TTC19: variants seen among roughly 807,000 people sequenced by gnomAD.
TTC19 encodes the protein tetratricopeptide repeat domain 19, also known as tetratricopeptide repeat protein 19, mitochondrial.
Under a neutral mutation model 49.5 loss-of-function variants are expected in TTC19, and 38 were observed. The ratio of observed to expected loss-of-function variants is 0.77; its 90% CI spans 0.59 to 1.01. The LOEUF (loss-of-function observed/expected upper bound fraction) is 1.01. Among genes scored for constraint, TTC19 ranks in the 50% least tolerant of loss-of-function variants. The pLI is 0.00. For missense variants in TTC19, 475 were observed against 477.7 expected, an observed-to-expected ratio of 0.99 and a Z score of 0.05; for synonymous variants, 204 against 185.2, an observed-to-expected ratio of 1.10 and a Z score of -0.83.
chr17:16,004,881 G>A (rs1970852235), intron 6 of TTC19, among the ~76,000 whole-genome samples: 1 of 152,306 alleles, frequency 6.6e-6, no homozygotes, highest in Non-Finnish European at 1.5e-5. Flanking sequence ...TTCTCATCAG[G>A]ACCTGCATAG....
In TTC19 at chr17:16,028,817, T is replaced by TAAAAAAAA. The variant is rs1471885444; in HGVS notation, c.*1295_*1296insAAAAAAAA. Reference sequence around the variant, plus strand: ...TGTATCCCAGTAATCTTTGCATTTCTCAAAAAAAAAAAAAAAAAAAAAAAA... The same window carrying TAAAAAAAA: ...TGTATCCCAGTAATCTTTGCATTTCTAAAAAAAACAAAAAAAAAAAAAAAAAAAAAAAA... On this transcript the variant is annotated 3_prime_UTR_variant, in exon 10 of 10. Transcript: ENST00000261647. 4.4e-5 allele frequency: 4 copies of TAAAAAAAA among 90,624 alleles called. No homozygotes were observed. The highest frequency in any genetic ancestry group is 5.8e-5 in the South Asian group (1 of 17,220). 5.6% of individuals were successfully genotyped at this position (90,624 alleles called of 1,614,324 possible).
At position 16,035,749 on chromosome 17, in the gene TTC19, C is replaced by G. The variant is rs1012013270; in HGVS notation, c.248-8754C>G. On this transcript the variant is annotated intron_variant, in intron 2 of 2. Coordinates refer to the TTC19 transcript ENST00000470649. ...TAGAGATGGGGTCTCACCATGTTGC[C>G]CAGGTTGGTCTCAAACTCCTGGGTT... Among the ~76,000 whole-genome samples the G allele has an allele frequency of 2.0e-5, 3 of 151,948 alleles. No individual in the cohort carries two copies. The South Asian group carries it at 6.2e-4, about 32-fold the overall frequency.
chr17:16,005,318 A>G (rs1003338039), intron 6 of TTC19, among the ~76,000 whole-genome samples: 2 of 152,220 alleles, frequency 1.3e-5, no homozygotes, highest in Admixed American at 1.3e-4. Context: ...GGCAGTGTCC[A>G]CTTGCCCTGT....
intron 7 of TTC19, among the ~76,000 whole-genome samples, chr17:16,016,552 ATTTTT>A (rs769994419): frequency 4.3e-5 from 4 of 94,080 alleles, no homozygotes; most frequent in Admixed American, 2.2e-4. Flanking sequence ...AGTTGTTCTA[ATTTTT>A]TTTTTTTTTT....
chr17:16,002,574 G>A lies in TTC19; in HGVS notation c.424-219G>A, dbSNP rs949710595. ...TAGCATGTTTTTTTAATGATGAGTG[G>A]ACCTAGATTTGGTTTGTTAACAACA... On this transcript the variant is annotated intron_variant, in intron 3 of 9. Coordinates refer to ENST00000261647, the MANE Select transcript of TTC19 (RefSeq NM_017775.4). The A allele has an allele frequency of 5.1e-6, 3 of 584,630 alleles. No individual in the cohort carries two copies. The African/African-American group carries it at 5.6e-5, about 11-fold the overall frequency. The allele number at this position is 584,630 out of a possible 1,614,324, so 36.2% of individuals were successfully genotyped here.
chr17:16,007,267 CT>C lies in TTC19; in HGVS notation c.676+700del, dbSNP rs984775954. Among the ~76,000 whole-genome samples the C allele has an allele frequency of 2.6e-5, 4 of 152,320 alleles. No individual in the cohort carries two copies. In the East Asian group the frequency reaches 7.7e-4, roughly 29 times the overall value. On this transcript the variant is annotated intron_variant, in intron 7 of 9. Transcript: ENST00000261647. Reference sequence around the variant, plus strand: ...GATGCCTGAAACGACTTCTAATACACTGTGTTTTTTTCTTATATATATGTAC... The same window carrying C: ...GATGCCTGAAACGACTTCTAATACACGTGTTTTTTTCTTATATATATGTAC...
rs1325328459 is a variant in TTC19, at chr17:16,000,002, CG to C, written c.158del (p.Gly53AlafsTer48). 5 of 1,255,922 alleles carry C rather than the reference CG, an allele frequency of 4.0e-6. No homozygotes were observed. The highest frequency in any genetic ancestry group is 2.8e-5 in the South Asian group (1 of 35,268). 77.8% of individuals were successfully genotyped at this position (1,255,922 alleles called of 1,614,324 possible). A position where few individuals can be genotyped will look rare whatever the true frequency, so the allele number is the denominator to read the frequency against. ...GCCATCCCGAGTCGCGCCGCACGGC[CG>C]GGGCCCAGGCCTGCTGCCGCTGCTG... ...VPPSRVAPHGRGPGLLPLLAA... is the reference protein window; with the variant it reads ...VPPSRVAPHGXGPGLLPLLAA... On this transcript the variant is annotated frameshift_variant, in exon 1 of 10. Coordinates refer to ENST00000261647, the MANE Select transcript of TTC19 (RefSeq NM_017775.4). LOFTEE classifies it high-confidence loss of function.
At position 16,003,696 on chromosome 17, in the gene TTC19, G is replaced by C. The variant is rs1021265899; in HGVS notation, c.463-135G>C. The C allele has an allele frequency of 1.4e-5, 11 of 783,302 alleles. No individual in the cohort carries two copies. The African/African-American group carries it at 1.9e-4, about 14-fold the overall frequency. 48.5% of individuals were successfully genotyped at this position (783,302 alleles called of 1,614,324 possible). Reference sequence around the variant, plus strand: ...GCTTCAAAAGGGTACTTTTCTGTGTGTGAGTGTGCGTGTGTGTGGGTATAT... The same window carrying C: ...GCTTCAAAAGGGTACTTTTCTGTGTCTGAGTGTGCGTGTGTGTGGGTATAT... On this transcript the variant is annotated intron_variant, in intron 4 of 9. Transcript: ENST00000261647.
At chr17:16,029,487 T>C (rs1236938345), downstream of TTC19, 2 of 271,942 alleles carry the variant, frequency 7.4e-6, no homozygotes, top group Non-Finnish European at 1.5e-5. Flanking sequence ...ATTATGAAAT[T>C]TGCAGTCATA....
rs1970813854 is a variant in TTC19 at position 16,003,820 on chromosome 17, T to TA, written c.463-10dup. 1 of 1,612,862 alleles carries TA rather than the reference T, an allele frequency of 6.2e-7. No individual in the cohort carries two copies. The highest frequency in any genetic ancestry group is 1.3e-5 in the African/African-American group (1 of 74,880). Reference sequence around the variant, plus strand: ...CCAATTAAAAGAAAAATCTTTTCCTTATGCTTTTAGGCTGAACAACTTTTT... The same window carrying TA: ...CCAATTAAAAGAAAAATCTTTTCCTTAATGCTTTTAGGCTGAACAACTTTTT... On this transcript the variant is annotated splice_polypyrimidine_tract_variant and intron_variant, in intron 4 of 9. Coordinates refer to ENST00000261647, the MANE Select transcript of TTC19 (RefSeq NM_017775.4).
At chr17:16,031,383 C>T (rs1971955721), downstream of TTC19, 2 of 190,420 alleles carry the variant, frequency 1.1e-5, no homozygotes, top group South Asian at 3.9e-4. Context: ...GAGCCTTAAA[C>T]CACAAATAAT....
intron 2 of TTC19, among the ~76,000 whole-genome samples, chr17:16,042,665 G>A (rs1937681559): frequency 6.6e-6 from 1 of 152,202 alleles, no homozygotes; most frequent in Admixed American, 6.5e-5. Flanking sequence ...CACTGTGGAG[G>A]CCAACTTGAC....
chr17:16,040,123 A>G, intron 2 of TTC19: 1 of 509,868 alleles, frequency 2.0e-6, no homozygotes, highest in South Asian at 1.5e-5. Flanking sequence ...TAACTCCTTA[A>G]GGAAATTTGT....
rs769360451 is a variant in TTC19 at position 16,034,803 on chromosome 17, G to A, written c.247+8101G>A. On this transcript the variant is annotated intron_variant, in intron 2 of 2. Coordinates refer to the TTC19 transcript ENST00000470649. ...CCTGTCTTCCCAGGCCCACCCTGGC[G>A]TCTGCCTATGGTAATCCCCTTCTGA... 1.5e-5 allele frequency: 25 copies of A among 1,613,720 alleles called. No homozygotes were observed. Among genetic ancestry groups the A allele is most frequent in the South Asian group, 6.6e-5 (6 of 91,022 alleles).
intron 9 of TTC19, chr17:16,026,961 G>A (rs974024766): frequency 1.2e-5 from 7 of 562,890 alleles, no homozygotes; most frequent in Non-Finnish European, 2.2e-5. Flanking sequence ...AGTACCTTAC[G>A]TCAGTAGTGC....
rs979695220 is a variant in TTC19, at chr17:16,006,335, C to A, written c.582-139C>A. Reference sequence around the variant, plus strand: ...TAAGGCAGGAGAATCGCTTGAACCCCGGAGGTGGAGGTTGCTCTGAGCCGA... The same window carrying A: ...TAAGGCAGGAGAATCGCTTGAACCCAGGAGGTGGAGGTTGCTCTGAGCCGA... On this transcript the variant is annotated intron_variant, in intron 6 of 9. Transcript: ENST00000261647. The A allele has an allele frequency of 8.7e-6, 6 of 689,704 alleles. No individual in the cohort carries two copies. In the African/African-American group the frequency reaches 1.1e-4, roughly 12 times the overall value. The allele number at this position is 689,704 out of a possible 1,614,324, so 42.7% of individuals were successfully genotyped here. A position where few individuals can be genotyped will look rare whatever the true frequency, so the allele number is the denominator to read the frequency against.
intron 7 of TTC19, among the ~76,000 whole-genome samples, chr17:16,013,179 A>G (rs138761179): frequency 1.2e-4 from 19 of 152,344 alleles, no homozygotes; most frequent in Middle Eastern, 3.4e-3. Flanking sequence ...CCTTCAGCAC[A>G]GGCAATAGAG....
rs939073146 is a variant in TTC19 at position 16,040,710 on chromosome 17, G to C, written c.248-3793G>C. On this transcript the variant is annotated intron_variant, in intron 2 of 2. Coordinates refer to the TTC19 transcript ENST00000470649. ...CAGGCTATTTTTAAAGGGAAATCAG[G>C]AAATAGGTAAGGTAGGAACATCAAA... 12 of 578,270 alleles carry C rather than the reference G, an allele frequency of 2.1e-5. No homozygotes were observed. In the African/African-American group the frequency reaches 2.3e-4, roughly 11 times the overall value. The allele number at this position is 578,270 out of a possible 1,614,324, so 35.8% of individuals were successfully genotyped here. A position where few individuals can be genotyped will look rare whatever the true frequency, so the allele number is the denominator to read the frequency against.
rs563646676 is a variant in TTC19 at position 16,013,067 on chromosome 17, G to A, written c.676+6499G>A. On this transcript the variant is annotated intron_variant, in intron 7 of 9. Coordinates refer to ENST00000261647, the MANE Select transcript of TTC19 (RefSeq NM_017775.4). ...AAAAATAAAAAAATTACCTGGGCAC[G>A]GTGGCACATGCCTGTGGTCCCAGCT... 5.3e-5 allele frequency among the ~76,000 whole-genome samples: 8 copies of A among 152,178 alleles called. No individual in the cohort carries two copies. In the South Asian group the frequency reaches 6.2e-4, roughly 12 times the overall value.
Sources: allele counts gnomAD v4.1 joint callset (sites outside exome capture counted in the v4.1 genomes callset), GRCh38; gene constraint gnomAD v4.1.1; transcripts MANE v1.5; gene names NCBI Gene and HGNC (gene_info 2026-07-23, HGNC 2026-07-21).